The following NRG1 variants were observed in gnomAD, a reference collection of about 807,000 sequenced individuals.
The protein encoded by NRG1 is neuregulin 1.
Under a neutral mutation model 63.8 loss-of-function variants are expected in NRG1, and 18 were observed. The ratio of observed to expected loss-of-function variants is 0.28; its 90% confidence interval spans 0.19 to 0.42. The LOEUF (loss-of-function observed/expected upper bound fraction) is 0.42, where lower values mean the gene tolerates loss of function less well. Ranked by LOEUF, NRG1 falls within the 10% of genes least tolerant of loss-of-function variation. The pLI is 1.00. For synonymous variants in NRG1, 302 were observed against 301.3 expected (o/e 1.00, Z -0.02); for missense variants, 762 against 814.7 (o/e 0.94, Z 0.79).
intron 1 of NRG1, among the ~76,000 whole-genome samples, chr8:32,319,579 T>G (rs1439977575): frequency 6.6e-6 from 1 of 152,122 alleles, no homozygotes; most frequent in African/African-American, 2.4e-5. Context: ...TTGGGAAAAT[T>G]GTTGGAGAAT....
intron 5 of NRG1, chr8:32,648,325 C>A (rs76552623): frequency 7.4e-6 from 12 of 1,614,042 alleles, no homozygotes; most frequent in Non-Finnish European, 1.0e-5. Flanking sequence ...GTGAGAACGC[C>A]CAAGTCAGCA....
chr8:31,783,635 C>A lies in NRG1; in HGVS notation c.37+144204C>A, dbSNP rs1285905179. Reference sequence around the variant, plus strand: ...AAAAAAAAACAAAAAACACAACAGCCCATCAAGAGCTGCATAGCTTTTCAG... The same window carrying A: ...AAAAAAAAACAAAAAACACAACAGCACATCAAGAGCTGCATAGCTTTTCAG... On this transcript the variant is annotated intron_variant, in intron 1 of 10. Transcript: ENST00000519301. 2.0e-5 allele frequency among the ~76,000 whole-genome samples: 3 copies of A among 151,480 alleles called. No individual in the cohort carries two copies. In the East Asian group the frequency reaches 5.8e-4, roughly 29 times the overall value.
chr8:32,667,596 C>A (rs896681494), intron 5 of NRG1, among the ~76,000 whole-genome samples: 2 of 151,974 alleles, frequency 1.3e-5, no homozygotes, highest in Admixed American at 1.3e-4. Flanking sequence ...TAGGGAAAAC[C>A]CAGCTTCTAA....
chr8:32,381,971 G>C (rs997997137), intron 1 of NRG1, among the ~76,000 whole-genome samples: 3 of 152,124 alleles, frequency 2.0e-5, no homozygotes, highest in African/African-American at 4.8e-5. Context: ...AACTCCTAGA[G>C]AGTTTGAACT....
At chr8:32,771,274 C>A (rs907354824), downstream of NRG1, among the ~76,000 whole-genome samples, 1 of 120,938 alleles carries the variant, frequency 8.3e-6, no homozygotes, top group South Asian at 3.0e-4. Context: ...CCATGCCCAG[C>A]GATTTTTTTT....
chr8:32,235,482 T>G (rs1243209841), intron 1 of NRG1, among the ~76,000 whole-genome samples: 2 of 152,150 alleles, frequency 1.3e-5, no homozygotes, highest in African/African-American at 4.8e-5. Flanking sequence ...TCAGTGAATC[T>G]CAAACATCTG....
chr8:32,756,330 A>G, intron 8 of NRG1, 73 bp from the exon 9 acceptor site: 1 of 1,550,032 alleles, frequency 6.5e-7, no homozygotes, highest in African/African-American at 1.4e-5. Context: ...AGGTGTTGGT[A>G]GAATAAAGAC....
chr8:31,849,960 T>C (rs1477693127), intron 1 of NRG1, among the ~76,000 whole-genome samples: 1 of 152,204 alleles, frequency 6.6e-6, no homozygotes, highest in Non-Finnish European at 1.5e-5. Context: ...GAAGATAAGA[T>C]AAATTTTCTA....
chr8:32,038,120 C>T (rs1165586909), intron 1 of NRG1, among the ~76,000 whole-genome samples: 2 of 152,246 alleles, frequency 1.3e-5, no homozygotes, highest in East Asian at 3.9e-4. Context: ...GGACCCAAGG[C>T]CCTTGGTGGT....
intron 1 of NRG1, among the ~76,000 whole-genome samples, chr8:32,392,122 G>T (rs971688061): frequency 6.6e-6 from 1 of 152,148 alleles, no homozygotes; most frequent in African/African-American, 2.4e-5. Flanking sequence ...TTTAGGAAAA[G>T]CTGAGAGGCT....
At chr8:32,617,103 C>T (rs916846356) in intron 5 of NRG1, among the ~76,000 whole-genome samples, 13 of 152,070 alleles carry the variant, frequency 8.5e-5, no homozygotes, top group Non-Finnish European at 8.8e-5. Flanking sequence ...TATTAAAATA[C>T]ACCACAAATG....
At chr8:31,927,995 T>TAAAA (rs367890417) in intron 1 of NRG1, among the ~76,000 whole-genome samples, 3 of 139,746 alleles carry the variant, frequency 2.1e-5, no homozygotes, top group Non-Finnish European at 3.1e-5. Flanking sequence ...TAGGTATATT[T>TAAAA]AAAAAAAAAA....
chr8:32,425,548 C>G (rs1279423661), intron 1 of NRG1, among the ~76,000 whole-genome samples: 1 of 152,162 alleles, frequency 6.6e-6, no homozygotes, highest in Non-Finnish European at 1.5e-5. Context: ...ACCCATCACA[C>G]CCATTTCTTT....
At chr8:32,531,595 A>T (rs1831456731) in intron 1 of NRG1, among the ~76,000 whole-genome samples, 1 of 152,210 alleles carries the variant, frequency 6.6e-6, no homozygotes, top group Non-Finnish European at 1.5e-5. Flanking sequence ...TTATTGTGGC[A>T]GTATAAAATG....
At chr8:31,928,645 T>TAG (rs772195542) in intron 1 of NRG1, among the ~76,000 whole-genome samples, 1 of 71,206 alleles carries the variant, frequency 1.4e-5, no homozygotes, top group East Asian at 2.3e-4. Context: ...ACTATATATA[T>TAG]ATATACACAC....
chr8:31,979,671 T>C (rs1302361625), intron 1 of NRG1, among the ~76,000 whole-genome samples: 1 of 152,106 alleles, frequency 6.6e-6, no homozygotes, highest in Non-Finnish European at 1.5e-5. Context: ...CAAACTAGAT[T>C]TTAAGCACCT....
chr8:32,646,538 C>T (rs562280175), intron 5 of NRG1, among the ~76,000 whole-genome samples: 1 of 152,230 alleles, frequency 6.6e-6, no homozygotes, highest in Non-Finnish European at 1.5e-5. Flanking sequence ...TAAGGTCCCA[C>T]CTACACCACC....
chr8:32,581,309 T>C (rs1433857489), intron 1 of NRG1, among the ~76,000 whole-genome samples: 13 of 152,236 alleles, frequency 8.5e-5, no homozygotes, highest in Non-Finnish European at 2.9e-5. Context: ...TAGAGCGTTC[T>C]AATGTGTTTG....
At chr8:32,347,351 G>A (rs988273718) in intron 1 of NRG1, among the ~76,000 whole-genome samples, 1 of 152,080 alleles carries the variant, frequency 6.6e-6, no homozygotes, top group East Asian at 1.9e-4. Flanking sequence ...CACGCTCTAT[G>A]GAGATCCTTG....
Sources: gnomAD v4.1 joint callset for allele counts (sites outside exome capture counted in the v4.1 genomes callset) on GRCh38, gnomAD v4.1.1 for gene constraint, MANE v1.5 for transcripts, NCBI Gene and HGNC (gene_info 2026-07-23, HGNC 2026-07-21) for gene names.